Variants in ZNF385D observed in about 807,000 individuals in gnomAD.
The protein encoded by ZNF385D is zinc finger protein 385D, also known as zinc finger protein 659.
ZNF385D carries 15 observed loss-of-function variants against 35.8 expected under a neutral mutation model. That is an observed-to-expected ratio of 0.42 (90% CI 0.28 to 0.64). The LOEUF is 0.64. Among genes scored for constraint, ZNF385D ranks in the 30% least tolerant of loss-of-function variants. The probability of loss-of-function intolerance (pLI) is 0.23; values close to 1 mark genes in which losing one functional copy is unlikely to be tolerated. For synonymous variants in ZNF385D, 212 were observed against 186.8 expected (o/e 1.13, Z -1.10); for missense variants, 474 against 494.6 (o/e 0.96, Z 0.39).
intron 3 of ZNF385D, among the ~76,000 whole-genome samples, chr3:22,101,844 C>T (rs965501845): frequency 1.3e-5 from 2 of 151,896 alleles, no homozygotes; most frequent in African/African-American, 4.8e-5. Flanking sequence ...TTTAAATCAT[C>T]TGGTGACTAT....
intron 2 of ZNF385D, among the ~76,000 whole-genome samples, chr3:22,345,068 T>C (rs1003506223): frequency 1.3e-5 from 2 of 152,230 alleles, no homozygotes; most frequent in East Asian, 3.9e-4. Flanking sequence ...ATGATCATCA[T>C]GGGTCCTAGT....
intron 5 of ZNF385D, 127 bp downstream of exon 5, chr3:21,436,843 A>G (rs1701575539): frequency 1.1e-6 from 1 of 886,842 alleles, no homozygotes; most frequent in Non-Finnish European, 1.7e-6. Context: ...TTTAATGGTT[A>G]ATGATTTCCA....
chr3:21,918,829 T>C (rs570437052), intron 3 of ZNF385D, among the ~76,000 whole-genome samples: 24 of 152,306 alleles, frequency 1.6e-4, no homozygotes, highest in African/African-American at 5.8e-4. Context: ...ATGAAATGAC[T>C]TCTTGACAGC....
intron 2 of ZNF385D, among the ~76,000 whole-genome samples, chr3:22,258,513 A>G (rs1002361033): frequency 1.3e-5 from 2 of 151,782 alleles, no homozygotes; most frequent in African/African-American, 4.8e-5. Flanking sequence ...TCTTTTTTAA[A>G]GAATGACTAA....
chr3:21,748,374 T>C (rs2069885001), intron 1 of ZNF385D, among the ~76,000 whole-genome samples: 1 of 131,498 alleles, frequency 7.6e-6, no homozygotes, highest in African/African-American at 2.9e-5. Flanking sequence ...TTGAAGCAGA[T>C]AGGCTGAGCC....
intron 3 of ZNF385D, among the ~76,000 whole-genome samples, chr3:21,781,663 G>T (rs555902542): frequency 6.6e-6 from 1 of 151,866 alleles, no homozygotes; most frequent in Non-Finnish European, 1.5e-5. Flanking sequence ...TGTTCTTGAC[G>T]ACATGAGCCA....
At chr3:22,249,378 A>G (rs952611715) in intron 2 of ZNF385D, among the ~76,000 whole-genome samples, 4 of 152,190 alleles carry the variant, frequency 2.6e-5, no homozygotes, top group African/African-American at 7.2e-5. Flanking sequence ...TACACGGTTC[A>G]TCAGAAACTC....
chr3:22,129,111 G>C (rs112946733), intron 3 of ZNF385D, among the ~76,000 whole-genome samples: 4,728 of 152,134 alleles, frequency 0.031, 256 homozygotes, highest in African/African-American at 0.11. Context: ...GGTGGTCTTG[G>C]GTAAGATCCA....
chr3:21,444,268 C>T (rs1375126490), intron 4 of ZNF385D, among the ~76,000 whole-genome samples: 1 of 146,304 alleles, frequency 6.8e-6, no homozygotes, highest in African/African-American at 2.5e-5. Context: ...TTTTAATAGA[C>T]ATGGGGTTTC....
chr3:22,352,444 G>C (rs1695959287), intron 2 of ZNF385D, among the ~76,000 whole-genome samples: 1 of 152,198 alleles, frequency 6.6e-6, no homozygotes, highest in Non-Finnish European at 1.5e-5. Flanking sequence ...ACTGAGGTTT[G>C]CATTTTCCAA....
intron 3 of ZNF385D, among the ~76,000 whole-genome samples, chr3:22,086,269 G>A (rs1473058400): frequency 1.3e-5 from 2 of 152,174 alleles, no homozygotes; most frequent in African/African-American, 4.8e-5. Context: ...AATTGTCTCT[G>A]TTTGCAGATG....
At chr3:22,215,351 G>A (rs1216659070) in intron 2 of ZNF385D, among the ~76,000 whole-genome samples, 3 of 152,002 alleles carry the variant, frequency 2.0e-5, no homozygotes, top group Non-Finnish European at 4.4e-5. Context: ...TCTTTCAAAA[G>A]CAAATAGGAG....
At chr3:21,437,451 T>A (rs1220418601) in intron 4 of ZNF385D, among the ~76,000 whole-genome samples, 1 of 151,992 alleles carries the variant, frequency 6.6e-6, no homozygotes, top group Non-Finnish European at 1.5e-5. Flanking sequence ...AAAAATATTC[T>A]ATGGGGTAAA....
intron 3 of ZNF385D, among the ~76,000 whole-genome samples, chr3:22,118,149 G>T (rs1040841279): frequency 6.6e-6 from 1 of 151,972 alleles, no homozygotes. Context: ...TAAATGAAGC[G>T]TACTTTACTT....
At chr3:21,627,593 A>G (rs116443045) in intron 2 of ZNF385D, among the ~76,000 whole-genome samples, 2,578 of 152,250 alleles carry the variant, frequency 0.017, 70 homozygotes, top group African/African-American at 0.058. Flanking sequence ...GCTATGCTAT[A>G]TAAATCTGAG....
intron 3 of ZNF385D, among the ~76,000 whole-genome samples, chr3:21,778,477 A>G (rs1377241992): frequency 6.6e-6 from 1 of 151,854 alleles, no homozygotes; most frequent in African/African-American, 2.4e-5. Flanking sequence ...CTAAACATCG[A>G]AGCACCCTGT....
chr3:22,265,990 A>C (rs930475692), intron 2 of ZNF385D, among the ~76,000 whole-genome samples: 1 of 151,896 alleles, frequency 6.6e-6, no homozygotes, highest in Non-Finnish European at 1.5e-5. Flanking sequence ...CTATACTGGG[A>C]CCAGCTAACT....
intron 3 of ZNF385D, among the ~76,000 whole-genome samples, chr3:21,548,354 A>T (rs572268203): frequency 6.6e-6 from 1 of 152,276 alleles, no homozygotes; most frequent in East Asian, 1.9e-4. Context: ...CAACATTGAT[A>T]TCTAAGATTT....
intron 3 of ZNF385D, among the ~76,000 whole-genome samples, chr3:21,888,865 T>C (rs1011613941): frequency 6.6e-6 from 1 of 152,266 alleles, no homozygotes; most frequent in Non-Finnish European, 1.5e-5. Flanking sequence ...CTGTGGCTCC[T>C]GTCTGACCAC....
Sources: gnomAD v4.1 joint callset for allele counts (sites outside exome capture counted in the v4.1 genomes callset) on GRCh38, gnomAD v4.1.1 for gene constraint, MANE v1.5 for transcripts, NCBI Gene and HGNC (gene_info 2026-07-23, HGNC 2026-07-21) for gene names.